FLNB: variants seen among roughly 807,000 people sequenced by gnomAD.
The protein encoded by FLNB is filamin-B.
A neutral mutation model predicts 250.6 loss-of-function variants in FLNB; 111 were observed. That is an observed-to-expected ratio of 0.44 (90% CI 0.38 to 0.52). The LOEUF is 0.52. Among genes scored for constraint, FLNB ranks in the 20% least tolerant of loss-of-function variants. The probability of loss-of-function intolerance (pLI) is 0.00; values close to 1 mark genes in which losing one functional copy is unlikely to be tolerated. For missense variants in FLNB, 2,869 were observed against 3,447.8 expected (o/e 0.83, Z 4.20); for synonymous variants, 1,302 against 1,372.1 (o/e 0.95, Z 1.13).
At chr3:58,019,318 C>G (rs1002205658) in intron 1 of FLNB, among the ~76,000 whole-genome samples, 3 of 152,172 alleles carry the variant, frequency 2.0e-5, no homozygotes, top group African/African-American at 7.2e-5. Context: ...CCCTGTCTGT[C>G]CCCTCTTTTG....
chr3:58,044,517 C>T (rs1321659408), intron 1 of FLNB, among the ~76,000 whole-genome samples: 1 of 152,148 alleles, frequency 6.6e-6, no homozygotes, highest in South Asian at 2.1e-4. Flanking sequence ...CCCAGCTACT[C>T]AGGAGGCTGA....
chr3:58,071,000 T>G (rs1209615903), intron 1 of FLNB, among the ~76,000 whole-genome samples: 1 of 150,838 alleles, frequency 6.6e-6, no homozygotes, highest in Non-Finnish European at 1.5e-5. Context: ...CAGCTTGGAG[T>G]GCAGTGGCGT....
At chr3:58,088,598 G>A (rs138211876) in intron 4 of FLNB, among the ~76,000 whole-genome samples, 1 of 152,250 alleles carries the variant, frequency 6.6e-6, no homozygotes, top group African/African-American at 2.4e-5. Context: ...TCCCAGACTT[G>A]GAGCCAAAGA....
intron 1 of FLNB, among the ~76,000 whole-genome samples, chr3:58,053,203 A>G (rs772319012): frequency 6.6e-6 from 1 of 152,094 alleles, no homozygotes; most frequent in East Asian, 1.9e-4. Context: ...AATGTGATAA[A>G]CAGGTTTTTA....
chr3:58,122,081 A>G (rs2107170174), intron 20 of FLNB, among the ~76,000 whole-genome samples: 1 of 146,808 alleles, frequency 6.8e-6, no homozygotes, highest in South Asian at 2.4e-4. Flanking sequence ...AGGCAGGAGA[A>G]TGGTGTGAAC....
intron 4 of FLNB, among the ~76,000 whole-genome samples, chr3:58,092,567 G>T (rs2107027883): frequency 6.6e-6 from 1 of 152,248 alleles, no homozygotes; most frequent in South Asian, 2.1e-4. Context: ...GATTGCCTGA[G>T]CCTGGGAGGT....
chr3:58,064,651 C>G (rs1052676894), intron 1 of FLNB, among the ~76,000 whole-genome samples: 9 of 151,958 alleles, frequency 5.9e-5, no homozygotes, highest in African/African-American at 2.2e-4. Flanking sequence ...CTGAGAATAG[C>G]TCTGTGCCAA....
chr3:58,069,232 CTTTTTTTT>C (rs59689498), intron 1 of FLNB, among the ~76,000 whole-genome samples: 6 of 86,366 alleles, frequency 6.9e-5, no homozygotes, highest in African/African-American at 1.0e-4. Context: ...TAGTTCAATT[CTTTTTTTT>C]TTTTTTTTTT....
At chr3:58,067,864 C>G (rs2097188175) in intron 1 of FLNB, among the ~76,000 whole-genome samples, 1 of 152,158 alleles carries the variant, frequency 6.6e-6, no homozygotes, top group Non-Finnish European at 1.5e-5. Context: ...CGTGAGCCAC[C>G]ACGCCTGGCC....
chr3:58,019,114 G>GC (rs776131796), intron 1 of FLNB, among the ~76,000 whole-genome samples: 32 of 152,220 alleles, frequency 2.1e-4, no homozygotes, highest in Non-Finnish European at 4.0e-4. Flanking sequence ...TCTAGCCTGG[G>GC]CGACAGAGTG....
chr3:58,170,461 C>G, intron 45 of FLNB, 114 bp from the exon 46 acceptor site: 1 of 1,040,368 alleles, frequency 9.6e-7, no homozygotes, highest in Non-Finnish European at 1.5e-6. Flanking sequence ...TCTCCCACCT[C>G]TTAGGGGCCC....
At chr3:58,034,645 T>C (rs1450502672) in intron 1 of FLNB, among the ~76,000 whole-genome samples, 1 of 152,166 alleles carries the variant, frequency 6.6e-6, no homozygotes, top group East Asian at 1.9e-4. Flanking sequence ...AGGATGTATA[T>C]GGTTCCAAGT....
intron 24 of FLNB, among the ~76,000 whole-genome samples, chr3:58,127,372 T>C (rs1443737730): frequency 6.6e-6 from 1 of 152,206 alleles, no homozygotes; most frequent in East Asian, 1.9e-4. Flanking sequence ...CCTTATTTTG[T>C]GCTTGGCTCC....
At chr3:58,020,314 G>C (rs1035056448) in intron 1 of FLNB, among the ~76,000 whole-genome samples, 2 of 152,124 alleles carry the variant, frequency 1.3e-5, no homozygotes, top group African/African-American at 2.4e-5. Flanking sequence ...CAGTCTCATG[G>C]CCCTGGCACA....
Position 58,168,563 on chromosome 3 carries a change from T to C in FLNB, c.7322T>C (p.Met2441Thr), listed in dbSNP as rs1369703288. Residue 2441 changes from methionine to threonine, a missense_variant, in exon 44 of 46, where the codon ATG becomes ACG. Around this residue, in one of 5 missense-constraint regions of FLNB, gnomAD observed 1,084 missense variants for 1,315.5 expected, o/e 0.82. Coordinates refer to ENST00000295956, the MANE Select transcript of FLNB (RefSeq NM_001457.4). ...CQETPEGYKV[M>T]YTPMAPGNYL... ...GAAACACCTGAAGGGTACAAAGTCA[T>C]GTACACCCCCATGGCTCCTGGTAAC... 9.3e-6 allele frequency: 15 copies of C among 1,614,072 alleles called. No homozygotes were observed. The highest frequency in any genetic ancestry group is 1.3e-5 in the Non-Finnish European group (15 of 1,180,008).
chr3:58,078,170 A>G, intron 2 of FLNB: 1 of 679,196 alleles, frequency 1.5e-6, no homozygotes, highest in Admixed American at 6.3e-5. Flanking sequence ...GTGCAGCATT[A>G]ATTGATTTCC....
At chr3:58,135,588 T>C (rs1012024117) in intron 27 of FLNB, among the ~76,000 whole-genome samples, 1 of 152,188 alleles carries the variant, frequency 6.6e-6, no homozygotes, top group Non-Finnish European at 1.5e-5. Context: ...GCAAGGATGC[T>C]AGGAAGTGGA....
rs1439207707 is a variant in FLNB, at chr3:58,168,446, A to T, written c.7205A>T (p.Gln2402Leu). 6.2e-7 allele frequency: 1 copy of T among 1,613,010 alleles called. No individual in the cohort carries two copies. Among genetic ancestry groups the T allele is most frequent in the Non-Finnish European group, 8.5e-7 (1 of 1,178,956 alleles). Residue 2402 changes from glutamine (Q) to leucine (L), a missense_variant, in exon 44 of 46, where the codon CAG becomes CTG. Around this residue, in one of 5 missense-constraint regions of FLNB, gnomAD observed 1,084 missense variants for 1,315.5 expected, o/e 0.82. Transcript: ENST00000295956. ...TGLEGGTTGI[Q>L]SEFFINTTRA... ...TTCTATTCCTTTCTCCCAGGTATCC[A>T]GTCGGAATTCTTTATTAACACCACC...
chr3:58,169,824 T>TGGGGCA lies in FLNB; in HGVS notation c.7621+40_7621+45dup, dbSNP rs780618954. ...TGTCTGGGCCTTTTCAAGGGTGGGG[T>TGGGGCA]GGGGCAGGGGCAGGCTGGGCACCCT... On this transcript the variant is annotated intron_variant, in intron 45 of 45. Transcript: ENST00000295956. This position sits in a 1 kb window ranked among gnomAD's most constrained non-coding sequence, Gnocchi z 4.8. 5 of 684,848 alleles carry TGGGGCA rather than the reference T, an allele frequency of 7.3e-6. No homozygotes were observed. Among genetic ancestry groups the TGGGGCA allele is most frequent in the Non-Finnish European group, 2.6e-6 (1 of 387,988 alleles). 42.4% of individuals were successfully genotyped at this position (684,848 alleles called of 1,614,324 possible).
Sources: gnomAD v4.1 joint callset for allele counts (sites outside exome capture counted in the v4.1 genomes callset) on GRCh38, gnomAD v4.1.1 for gene constraint, gnomAD v4.1.1 regional missense constraint, Gnocchi (gnomAD v3.1) non-coding constraint, MANE v1.5 for transcripts, NCBI Gene and HGNC (gene_info 2026-07-23, HGNC 2026-07-21) for gene names.